The following VAT1L variants were observed in gnomAD, a reference collection of about 807,000 sequenced individuals.
VAT1L encodes vesicle amine transport 1 like, also known as putative NADPH-dependent quinone oxidoreductase VAT1L.
A neutral mutation model predicts 44.1 loss-of-function variants in VAT1L; 34 were observed. The observed-to-expected ratio is 0.77, with a 90% CI of 0.59 to 1.03. The LOEUF is 1.03. VAT1L is among the 50% of genes least tolerant of loss of function. VAT1L has a pLI of 0.00. For missense variants in VAT1L, 615 were observed against 538.8 expected (o/e 1.14, Z -1.40); for synonymous variants, 253 against 202.2 (o/e 1.25, Z -2.13).
chr16:77,964,767 C>A (rs1176955508), intron 7 of VAT1L, among the ~76,000 whole-genome samples: 2 of 142,892 alleles, frequency 1.4e-5, no homozygotes, highest in East Asian at 4.5e-4. Context: ...ACTGCTCACG[C>A]CCTTTGTAGC....
At chr16:77,914,436 G>C (rs187755545) in intron 7 of VAT1L, among the ~76,000 whole-genome samples, 2 of 152,270 alleles carry the variant, frequency 1.3e-5, no homozygotes, top group Non-Finnish European at 2.9e-5. Flanking sequence ...GCCATGGTGT[G>C]AGCATTCACA....
chr16:77,827,579 T>G (rs1401733885), intron 3 of VAT1L, among the ~76,000 whole-genome samples: 1 of 152,114 alleles, frequency 6.6e-6, no homozygotes, highest in African/African-American at 2.4e-5. Flanking sequence ...GGTTGGAAAA[T>G]AAGTCAATGC....
At chr16:77,911,370 ATCCTGTGGCATAGTG>A (rs2017498205) in intron 7 of VAT1L, among the ~76,000 whole-genome samples, 1 of 152,152 alleles carries the variant, frequency 6.6e-6, no homozygotes, top group African/African-American at 2.4e-5. Context: ...AGACCTTCTC[ATCCTGTGGCATAGTG>A]TCCTGTGGGG....
At chr16:77,830,972 C>A (rs562668432) in intron 3 of VAT1L, among the ~76,000 whole-genome samples, 9 of 152,242 alleles carry the variant, frequency 5.9e-5, no homozygotes, top group African/African-American at 1.7e-4. Flanking sequence ...GCGTGAGCCA[C>A]CGCATCTGGC....
chr16:77,952,822 A>G (rs573931165), intron 7 of VAT1L, among the ~76,000 whole-genome samples: 1 of 140,968 alleles, frequency 7.1e-6, no homozygotes, highest in South Asian at 2.4e-4. Context: ...GTACCACTGC[A>G]TTCTAGCCTG....
intron 4 of VAT1L, among the ~76,000 whole-genome samples, chr16:77,875,141 G>C (rs1200699788): frequency 6.6e-6 from 1 of 152,218 alleles, no homozygotes; most frequent in Non-Finnish European, 1.5e-5. Flanking sequence ...AGCTCTATTA[G>C]GCAGGAAGCT....
At chr16:77,825,867 A>AT (rs1345836355) in intron 3 of VAT1L, among the ~76,000 whole-genome samples, 5 of 149,900 alleles carry the variant, frequency 3.3e-5, no homozygotes, top group South Asian at 2.1e-4. Flanking sequence ...ATAAAAAAAA[A>AT]AAAAAATTAG....
intron 7 of VAT1L, among the ~76,000 whole-genome samples, chr16:77,908,017 G>A (rs949068740): frequency 6.6e-6 from 1 of 152,162 alleles, no homozygotes; most frequent in Non-Finnish European, 1.5e-5. Context: ...GAGGCAAGTG[G>A]ATCACCAGGT....
At chr16:77,903,227 C>T (rs1028437763) in intron 7 of VAT1L, among the ~76,000 whole-genome samples, 5 of 152,174 alleles carry the variant, frequency 3.3e-5, no homozygotes, top group East Asian at 1.9e-4. Flanking sequence ...GGAGGAATTA[C>T]GATAGATACA....
intron 8 of VAT1L, among the ~76,000 whole-genome samples, chr16:77,975,228 TAAA>T (rs1168900568): frequency 1.8e-4 from 16 of 89,110 alleles, no homozygotes; most frequent in African/African-American, 7.0e-4. Context: ...TTTTTTTTTT[TAAA>T]GACAGTCTCA....
At chr16:77,952,486 T>C (rs573205512) in intron 7 of VAT1L, among the ~76,000 whole-genome samples, 72 of 152,142 alleles carry the variant, frequency 4.7e-4, no homozygotes, top group African/African-American at 1.6e-3. Context: ...TGCATCTGCT[T>C]TTGCCATGTG....
At chr16:77,830,400 A>G (rs1194051433) in intron 3 of VAT1L, among the ~76,000 whole-genome samples, 1 of 151,960 alleles carries the variant, frequency 6.6e-6, no homozygotes, top group East Asian at 1.9e-4. Context: ...TTATTTGTCT[A>G]TGGTTTGATA....
In VAT1L at chr16:77,926,298, T is replaced by G. The variant is rs531325662; in HGVS notation, c.1077+41496T>G. ...AAAAATAGGAGTAATAAAATAGGAGTTGGGCCAGGCACGGTGGTGCACACC... is the reference window on the plus strand; with the variant it reads ...AAAAATAGGAGTAATAAAATAGGAGGTGGGCCAGGCACGGTGGTGCACACC... On this transcript the variant is annotated intron_variant, in intron 7 of 8. Transcript: ENST00000302536. 2.1e-5 allele frequency among the ~76,000 whole-genome samples: 3 copies of G among 143,926 alleles called. No individual in the cohort carries two copies. In the South Asian group the frequency reaches 6.8e-4, roughly 32 times the overall value. 94.4% of individuals were successfully genotyped at this position (143,926 alleles called of 152,430 possible).
chr16:77,963,116 C>T (rs778188274), intron 7 of VAT1L, among the ~76,000 whole-genome samples: 2 of 152,158 alleles, frequency 1.3e-5, no homozygotes, highest in African/African-American at 2.4e-5. Flanking sequence ...TCAACCTTCA[C>T]GGCAGTTCTA....
intron 7 of VAT1L, among the ~76,000 whole-genome samples, chr16:77,937,515 G>A (rs1415931773): frequency 6.6e-6 from 1 of 152,218 alleles, no homozygotes; most frequent in Non-Finnish European, 1.5e-5. Flanking sequence ...TGGCCGAGCT[G>A]TTTTATTTGT....
intron 3 of VAT1L, among the ~76,000 whole-genome samples, chr16:77,856,054 A>T (rs2016855428): frequency 6.6e-6 from 1 of 152,184 alleles, no homozygotes. Flanking sequence ...CACTGTAGTG[A>T]TAGAATGAAT....
At chr16:77,836,331 A>T (rs2016638665) in intron 3 of VAT1L, among the ~76,000 whole-genome samples, 1 of 152,076 alleles carries the variant, frequency 6.6e-6, no homozygotes. Flanking sequence ...AGATTTCACT[A>T]TGGCCAGATA....
chr16:77,944,769 T>G (rs756892552), intron 7 of VAT1L, among the ~76,000 whole-genome samples: 1 of 152,182 alleles, frequency 6.6e-6, no homozygotes, highest in Non-Finnish European at 1.5e-5. Flanking sequence ...TCTATTTTAG[T>G]TCCTTAAACA....
At chr16:77,864,189 G>C (rs1216421183) in intron 4 of VAT1L, among the ~76,000 whole-genome samples, 7 of 152,218 alleles carry the variant, frequency 4.6e-5, no homozygotes, top group African/African-American at 1.4e-4. Context: ...ATGCCACTCA[G>C]AGCTTCCGAG....
Sources: allele counts gnomAD v4.1 joint callset (sites outside exome capture counted in the v4.1 genomes callset), GRCh38; gene constraint gnomAD v4.1.1; transcripts MANE v1.5; gene names NCBI Gene and HGNC (gene_info 2026-07-23, HGNC 2026-07-21).